The following RBFOX1 variants were observed in gnomAD, a reference collection of about 807,000 sequenced individuals.
RBFOX1 encodes the protein RNA binding protein fox-1 homolog 1.
A neutral mutation model predicts 57.7 loss-of-function variants in RBFOX1; 8 were observed. The ratio of observed to expected loss-of-function variants is 0.14; its 90% CI spans 0.08 to 0.25. The LOEUF is 0.25. RBFOX1 is among the 10% of genes least tolerant of loss of function. The pLI is 1.00. For synonymous variants in RBFOX1, 326 were observed against 222.4 expected, an observed-to-expected ratio of 1.47 and a Z score of -4.15; for missense variants, 611 against 548.5, an observed-to-expected ratio of 1.11 and a Z score of -1.14.
At chr16:7,047,785 T>C (rs981517145) in intron 3 of RBFOX1, among the ~76,000 whole-genome samples, 2 of 149,990 alleles carry the variant, frequency 1.3e-5, no homozygotes, top group Admixed American at 6.7e-5. Flanking sequence ...TTAGAATGGA[T>C]ACTTTTTATG....
chr16:7,607,653 C>T (rs1229963055), intron 10 of RBFOX1, among the ~76,000 whole-genome samples: 1 of 152,162 alleles, frequency 6.6e-6, no homozygotes, highest in African/African-American at 2.4e-5. Flanking sequence ...TGCTCACACC[C>T]ATTGTATTTC....
At chr16:6,056,680 A>G (rs2095618661) in intron 1 of RBFOX1, among the ~76,000 whole-genome samples, 1 of 152,130 alleles carries the variant, frequency 6.6e-6, no homozygotes. Context: ...TTTAGAGACA[A>G]AGTTTACAGT....
At chr16:5,678,914 G>A (rs539357595) in intron 3 of RBFOX1, among the ~76,000 whole-genome samples, 14 of 152,310 alleles carry the variant, frequency 9.2e-5, no homozygotes, top group Admixed American at 2.6e-4. Flanking sequence ...GAAGAAGAGC[G>A]ATGGCTTAAT....
At chr16:6,201,384 T>C (rs2097214192) in intron 1 of RBFOX1, among the ~76,000 whole-genome samples, 1 of 152,144 alleles carries the variant, frequency 6.6e-6, no homozygotes, top group Non-Finnish European at 1.5e-5. Flanking sequence ...CTCCATACTG[T>C]TCCCCAGAGT....
chr16:6,963,073 C>T (rs1298257529), intron 3 of RBFOX1, among the ~76,000 whole-genome samples: 1 of 152,096 alleles, frequency 6.6e-6, no homozygotes, highest in Non-Finnish European at 1.5e-5. Flanking sequence ...TCAAATGCTC[C>T]AGGCCCACCT....
intron 2 of RBFOX1, among the ~76,000 whole-genome samples, chr16:6,521,506 C>T (rs932713241): frequency 1.4e-5 from 2 of 147,522 alleles, no homozygotes; most frequent in Admixed American, 6.8e-5. Context: ...GTTTTATCCC[C>T]TCCCCTTCGC....
At chr16:5,491,726 T>C (rs565938596) in intron 2 of RBFOX1, among the ~76,000 whole-genome samples, 25 of 152,332 alleles carry the variant, frequency 1.6e-4, no homozygotes, top group Non-Finnish European at 3.2e-4. Flanking sequence ...TCAGACTGCT[T>C]CTGTGGGCCA....
At chr16:6,952,220 A>G (rs139613364) in intron 3 of RBFOX1, among the ~76,000 whole-genome samples, 112 of 152,308 alleles carry the variant, frequency 7.4e-4, no homozygotes, top group African/African-American at 2.6e-3. Context: ...AGATGAAAGA[A>G]AAAGAGTAGG....
chr16:6,093,318 A>AG (rs1166694081), intron 1 of RBFOX1, among the ~76,000 whole-genome samples: 1 of 152,070 alleles, frequency 6.6e-6, no homozygotes, highest in Admixed American at 6.6e-5. Context: ...TCGCACCTGT[A>AG]GGCACATCTA....
At chr16:7,706,000 A>G (rs1376859193) in intron 14 of RBFOX1, among the ~76,000 whole-genome samples, 1 of 151,952 alleles carries the variant, frequency 6.6e-6, no homozygotes, top group East Asian at 1.9e-4. Context: ...CGACCGTAAG[A>G]CCTCTTCCCA....
At chr16:5,426,608 C>T (rs558035647) in intron 1 of RBFOX1, among the ~76,000 whole-genome samples, 26 of 152,298 alleles carry the variant, frequency 1.7e-4, no homozygotes, top group African/African-American at 6.3e-4. Context: ...CTGTTACCTG[C>T]TCAGCACTTA....
At chr16:5,714,075 C>T (rs1049884695) in intron 3 of RBFOX1, among the ~76,000 whole-genome samples, 5 of 152,276 alleles carry the variant, frequency 3.3e-5, no homozygotes, top group African/African-American at 4.8e-5. Context: ...AATTAGGAGC[C>T]GCCTTCAGTT....
At chr16:6,782,499 G>A (rs1481739567) in intron 3 of RBFOX1, among the ~76,000 whole-genome samples, 1 of 151,604 alleles carries the variant, frequency 6.6e-6, no homozygotes, top group Non-Finnish European at 1.5e-5. Context: ...TTTTTTCATG[G>A]TTCAATCTTG....
At chr16:7,159,915 A>T (rs1283857275) in intron 4 of RBFOX1, among the ~76,000 whole-genome samples, 1 of 152,138 alleles carries the variant, frequency 6.6e-6, no homozygotes, top group Non-Finnish European at 1.5e-5. Flanking sequence ...GCACCAGATG[A>T]TTGCATTTTA....
chr16:6,747,858 C>G (rs950700868), intron 3 of RBFOX1, among the ~76,000 whole-genome samples: 2 of 152,124 alleles, frequency 1.3e-5, no homozygotes, highest in Admixed American at 6.6e-5. Flanking sequence ...TGACATAAAA[C>G]TTTCATAGGC....
At chr16:7,195,353 A>G (rs535456435) in intron 4 of RBFOX1, among the ~76,000 whole-genome samples, 1 of 152,266 alleles carries the variant, frequency 6.6e-6, no homozygotes, top group African/African-American at 2.4e-5. Flanking sequence ...AGTTTCACCA[A>G]TGACCTGGTG....
chr16:7,205,165 TAGTG>T (rs990221463), intron 4 of RBFOX1, among the ~76,000 whole-genome samples: 44 of 151,684 alleles, frequency 2.9e-4, no homozygotes, highest in Admixed American at 2.0e-4. Context: ...CCAAGAAAAA[TAGTG>T]AGAGAGATGA....
chr16:5,283,439 C>T (rs191302155), intron 1 of RBFOX1, among the ~76,000 whole-genome samples: 30 of 152,228 alleles, frequency 2.0e-4, no homozygotes, highest in African/African-American at 6.3e-4. Context: ...ACACTCAATG[C>T]CAACCAGTGA....
At chr16:5,729,364 T>G (rs144159837) in intron 3 of RBFOX1, among the ~76,000 whole-genome samples, 1 of 150,110 alleles carries the variant, frequency 6.7e-6, no homozygotes, top group East Asian at 2.0e-4. Context: ...CTCAATAAGC[T>G]CAGCACACAG....
Sources: gnomAD v4.1 joint callset for allele counts (sites outside exome capture counted in the v4.1 genomes callset) on GRCh38, gnomAD v4.1.1 for gene constraint, MANE v1.5 for transcripts, NCBI Gene and HGNC (gene_info 2026-07-23, HGNC 2026-07-21) for gene names.